PCDH9: variants seen among roughly 807,000 people sequenced by gnomAD.
PCDH9 encodes the protein protocadherin 9.
Under a neutral mutation model 70.6 loss-of-function variants are expected in PCDH9, and 24 were observed. The observed-to-expected ratio is 0.34, with a 90% confidence interval of 0.25 to 0.48. PCDH9 has a LOEUF of 0.48. PCDH9 is among the 20% of genes least tolerant of loss of function. PCDH9 has a pLI of 0.99. For missense variants in PCDH9, 1,281 were observed against 1,503.6 expected (o/e 0.85, Z 2.45); for synonymous variants, 562 against 558.5 (o/e 1.01, Z -0.09).
intron 4 of PCDH9, among the ~76,000 whole-genome samples, chr13:66,327,038 T>C (rs1440035910): frequency 6.6e-6 from 1 of 152,146 alleles, no homozygotes; most frequent in Non-Finnish European, 1.5e-5. Context: ...CAGTCCAAAT[T>C]GTCTTTCTTA....
At chr13:66,653,267 G>A (rs1440904769) in intron 3 of PCDH9, among the ~76,000 whole-genome samples, 1 of 152,078 alleles carries the variant, frequency 6.6e-6, no homozygotes, top group African/African-American at 2.4e-5. Context: ...CATCTGACAA[G>A]GGCTTAACAA....
intron 3 of PCDH9, among the ~76,000 whole-genome samples, chr13:66,884,873 C>G (rs1370432293): frequency 6.6e-6 from 1 of 152,112 alleles, no homozygotes; most frequent in South Asian, 2.1e-4. Context: ...CATTCTATGT[C>G]TCTCAAAAAT....
At chr13:66,581,834 T>A (rs1015047309) in intron 4 of PCDH9, among the ~76,000 whole-genome samples, 12 of 149,866 alleles carry the variant, frequency 8.0e-5, no homozygotes, top group African/African-American at 3.0e-4. Flanking sequence ...GAGATCTACA[T>A]AATAATACAA....
intron 4 of PCDH9, among the ~76,000 whole-genome samples, chr13:66,449,582 T>A (rs1958165056): frequency 6.6e-6 from 1 of 152,168 alleles, no homozygotes; most frequent in African/African-American, 2.4e-5. Context: ...ACAAGAGTGT[T>A]CAGAAAATCC....
At chr13:66,483,612 G>A (rs571760892) in intron 4 of PCDH9, among the ~76,000 whole-genome samples, 1 of 152,284 alleles carries the variant, frequency 6.6e-6, no homozygotes, top group Non-Finnish European at 1.5e-5. Flanking sequence ...TGCTATTTTT[G>A]CTTCTAACAG....
chr13:67,164,462 C>G (rs1286352189), intron 2 of PCDH9, among the ~76,000 whole-genome samples: 3 of 151,520 alleles, frequency 2.0e-5, no homozygotes, highest in Non-Finnish European at 4.4e-5. Context: ...ATAATCCCAG[C>G]TACTTGGGAG....
At chr13:66,360,751 G>A (rs78642460) in intron 4 of PCDH9, among the ~76,000 whole-genome samples, 4,544 of 152,070 alleles carry the variant, frequency 0.03, 180 homozygotes, top group East Asian at 0.19. Flanking sequence ...AGCAGTGGTG[G>A]ATTTCAAGGT....
intron 3 of PCDH9, among the ~76,000 whole-genome samples, chr13:66,778,562 T>C (rs2079938813): frequency 1.3e-5 from 2 of 152,096 alleles, no homozygotes; most frequent in South Asian, 2.1e-4. Flanking sequence ...ACAAGAAAAA[T>C]AGTGAAGAAG....
chr13:66,469,931 G>C (rs987162434), intron 4 of PCDH9, among the ~76,000 whole-genome samples: 2 of 152,126 alleles, frequency 1.3e-5, no homozygotes, highest in African/African-American at 4.8e-5. Flanking sequence ...GTCCTTCAAA[G>C]CTAATGGCAG....
intron 3 of PCDH9, among the ~76,000 whole-genome samples, chr13:66,861,682 G>A (rs1324487501): frequency 6.6e-6 from 1 of 152,074 alleles, no homozygotes; most frequent in Admixed American, 6.6e-5. Flanking sequence ...AGTGGGCCAT[G>A]TTGCTTCCAT....
At chr13:66,631,528 C>A in intron 3 of PCDH9, 117 bp from the exon 4 acceptor site, 1 of 625,316 alleles carries the variant, frequency 1.6e-6, no homozygotes, top group Non-Finnish European at 2.8e-6. Context: ...CAAAATAAAC[C>A]AAACTAGGAA....
intron 4 of PCDH9, among the ~76,000 whole-genome samples, chr13:66,398,753 A>T (rs1456885377): frequency 6.6e-6 from 1 of 152,232 alleles, no homozygotes; most frequent in Non-Finnish European, 1.5e-5. Flanking sequence ...TTGTTATTAC[A>T]AATGAAAGTA....
At chr13:66,315,811 C>A (rs17081111) in intron 4 of PCDH9, among the ~76,000 whole-genome samples, 1 of 152,174 alleles carries the variant, frequency 6.6e-6, no homozygotes, top group Non-Finnish European at 1.5e-5. Flanking sequence ...GGACTTGCTT[C>A]TTCCCCATTT....
At chr13:66,967,310 G>A (rs1337092470) in intron 2 of PCDH9, among the ~76,000 whole-genome samples, 1 of 151,988 alleles carries the variant, frequency 6.6e-6, no homozygotes, top group African/African-American at 2.4e-5. Flanking sequence ...GTTGTTTAAA[G>A]CCACACTGTC....
chr13:66,818,555 CTAAT>C (rs1203491260), intron 3 of PCDH9, among the ~76,000 whole-genome samples: 1 of 152,074 alleles, frequency 6.6e-6, no homozygotes, highest in Non-Finnish European at 1.5e-5. Context: ...AATCAATAGA[CTAAT>C]TAATAACATT....
chr13:66,598,711 CTAGCT>C (rs1302513211), intron 4 of PCDH9, among the ~76,000 whole-genome samples: 1 of 151,744 alleles, frequency 6.6e-6, no homozygotes, highest in Non-Finnish European at 1.5e-5. Flanking sequence ...TAAATTTGTG[CTAGCT>C]TAAACAACTA....
chr13:66,649,881 A>T (rs983458000), intron 3 of PCDH9, among the ~76,000 whole-genome samples: 2 of 151,918 alleles, frequency 1.3e-5, no homozygotes, highest in Non-Finnish European at 2.9e-5. Flanking sequence ...TTGTTTCCTT[A>T]GACAATCCGT....
rs190334992 is a variant in PCDH9, at chr13:66,989,205, T to C, written c.3037-85600A>G. 3.1e-3 allele frequency among the ~76,000 whole-genome samples: 473 copies of C among 152,074 alleles called. 1 individual carries two copies. Among genetic ancestry groups the C allele is most frequent in the African/African-American group, 0.01 (424 of 41,536 alleles). ...GAATTCATTGTGATTTCAATTAATA[T>C]AATGTGGAGTAGCTGGGATGTGGAA... is the stretch of plus-strand genomic sequence containing the variant. On this transcript the variant is annotated intron_variant, in intron 2 of 4. Transcript: ENST00000377865.
chr13:66,433,328 A>G (rs1179767840), intron 4 of PCDH9, among the ~76,000 whole-genome samples: 2 of 151,942 alleles, frequency 1.3e-5, no homozygotes, highest in Non-Finnish European at 2.9e-5. Flanking sequence ...TAATCTTTTC[A>G]TATACTTTCA....
Sources: allele counts gnomAD v4.1 joint callset (sites outside exome capture counted in the v4.1 genomes callset), GRCh38; gene constraint gnomAD v4.1.1; transcripts MANE v1.5; gene names NCBI Gene and HGNC (gene_info 2026-07-23, HGNC 2026-07-21).